The following SVOP variants were observed in gnomAD, a reference collection of about 807,000 sequenced individuals.
SVOP encodes the protein synaptic vesicle 2-related protein.
SVOP carries 17 observed loss-of-function variants against 69.1 expected under a neutral mutation model. The ratio of observed to expected loss-of-function variants is 0.25; its 90% CI spans 0.17 to 0.37. The LOEUF (loss-of-function observed/expected upper bound fraction) is 0.37. Among genes scored for constraint, SVOP ranks in the 10% least tolerant of loss-of-function variants. The pLI, the probability that SVOP is intolerant of heterozygous loss-of-function variation, is 1.00. For missense variants in SVOP, 435 were observed against 597.5 expected (o/e 0.73, Z 2.84); for synonymous variants, 238 against 238.6 (o/e 1.00, Z 0.02).
intron 1 of SVOP, among the ~76,000 whole-genome samples, chr12:109,007,724 A>G (rs530903066): frequency 3.9e-5 from 6 of 152,290 alleles, no homozygotes; most frequent in Non-Finnish European, 7.4e-5. Flanking sequence ...CTCAACAATC[A>G]TAACAGGGAA....
intron 6 of SVOP, among the ~76,000 whole-genome samples, chr12:108,952,739 C>T (rs142414659): frequency 0.015 from 2,302 of 152,212 alleles, 29 homozygotes; most frequent in Middle Eastern, 0.037. Context: ...CACATCTGTA[C>T]TCCTAGCTAC....
chr12:108,945,299 A>T (rs928729613), intron 6 of SVOP, 133 bp from the exon 7 acceptor site: 2 of 810,106 alleles, frequency 2.5e-6, no homozygotes, highest in East Asian at 5.4e-5. Flanking sequence ...ATTTCCTGAG[A>T]TGATGTTGGT....
Position 108,927,841 on chromosome 12 carries a change from C to T in SVOP, c.1049-5044G>A, listed in dbSNP as rs190662778. ...GAACTCCTGAGCTCAAGTGATTCACCTGCCTCAGCCTCCCAAAGTGCTGGG... is the reference window on the plus strand; with the variant it reads ...GAACTCCTGAGCTCAAGTGATTCACTTGCCTCAGCCTCCCAAAGTGCTGGG... On this transcript the variant is annotated intron_variant, in intron 11 of 15. Transcript: ENST00000610966. Among the ~76,000 whole-genome samples the T allele has an allele frequency of 6.2e-3, 947 of 152,142 alleles. 7 individuals are homozygous for T. Among genetic ancestry groups the T allele is most frequent in the Non-Finnish European group, 9.2e-3 (624 of 68,006 alleles).
At chr12:108,927,576 A>ACT (rs1318775125) in intron 11 of SVOP, among the ~76,000 whole-genome samples, 34 of 131,708 alleles carry the variant, frequency 2.6e-4, no homozygotes, top group African/African-American at 8.5e-4. Flanking sequence ...AATGACAAAG[A>ACT]CTCTCTCTCT....
At position 108,961,054 on chromosome 12, in the gene SVOP, A is replaced by G; in HGVS notation, c.454-7T>C. The G allele has an allele frequency of 1.3e-6, 2 of 1,534,174 alleles. No homozygotes were observed. The highest frequency in any genetic ancestry group is 1.7e-6 in the Non-Finnish European group (2 of 1,145,052). On this transcript the variant is annotated splice_region_variant and splice_polypyrimidine_tract_variant and intron_variant, in intron 5 of 15. Transcript: ENST00000610966. ...GCACGCTGATCTTCAGCCCCTGAAG[A>G]GAAGGAAGACACGGAATCACAAGGG...
At chr12:108,987,906 G>T (rs573545924) in intron 1 of SVOP, among the ~76,000 whole-genome samples, 1 of 129,500 alleles carries the variant, frequency 7.7e-6, no homozygotes, top group East Asian at 2.2e-4. Flanking sequence ...GATTGTGATC[G>T]TTGAATGCAC....
At position 108,917,838 on chromosome 12, in the gene SVOP, G is replaced by T. The variant is rs570372319; in HGVS notation, c.1350+205C>A. ...TTTATTTTATTTTTTTAGAGAGAGGGTCTTGCTATGTTGCTCAGGCTGGTC... is the reference window on the plus strand; with the variant it reads ...TTTATTTTATTTTTTTAGAGAGAGGTTCTTGCTATGTTGCTCAGGCTGGTC... On this transcript the variant is annotated intron_variant, in intron 14 of 15. Coordinates refer to ENST00000610966, the MANE Select transcript of SVOP (RefSeq NM_018711.5). Among the ~76,000 whole-genome samples, 12 of 152,048 alleles carry T rather than the reference G, an allele frequency of 7.9e-5. No individual in the cohort carries two copies. The East Asian group carries it at 2.3e-3, about 29-fold the overall frequency.
intron 12 of SVOP, among the ~76,000 whole-genome samples, chr12:108,922,299 G>A (rs886748739): frequency 1.2e-4 from 19 of 152,302 alleles, no homozygotes; most frequent in Non-Finnish European, 1.9e-4. Flanking sequence ...TAAGCTTGGG[G>A]TTCCCCAGCT....
chr12:109,020,880 G>C lies in SVOP; in HGVS notation c.-12C>G, dbSNP rs1242604568. The C allele has an allele frequency of 1.4e-6, 1 of 717,082 alleles. No individual in the cohort carries two copies. Among genetic ancestry groups the C allele is most frequent in the Non-Finnish European group, 2.6e-6 (1 of 384,652 alleles). 44.4% of individuals were successfully genotyped at this position (717,082 alleles called of 1,614,324 possible). On this transcript the variant is annotated 5_prime_UTR_variant, in exon 1 of 16. Transcript: ENST00000610966. The stretch of plus-strand genomic sequence containing the variant: ...AAGTCCTCCTCCATGTCCGCGCTGC[G>C]CCAGGATGAGCCCTTCTCATGGCCC...
intron 1 of SVOP, among the ~76,000 whole-genome samples, chr12:109,011,693 G>A (rs2040342470): frequency 6.6e-6 from 1 of 152,176 alleles, no homozygotes. Flanking sequence ...CCAACCTATG[G>A]AATCGACCTA....
At chr12:108,954,179 G>A (rs1358502363) in intron 6 of SVOP, among the ~76,000 whole-genome samples, 3 of 147,800 alleles carry the variant, frequency 2.0e-5, no homozygotes, top group Admixed American at 6.7e-5. Flanking sequence ...GGAGGGTCAA[G>A]TGATGTTTAG....
chr12:108,991,730 A>G (rs562894533), intron 1 of SVOP, among the ~76,000 whole-genome samples: 2 of 151,876 alleles, frequency 1.3e-5, no homozygotes, highest in Admixed American at 6.6e-5. Flanking sequence ...TGCTGGGATT[A>G]CAGGCGTGAG....
Position 108,912,153 on chromosome 12 carries a change from G to A in SVOP, c.*382C>T. The A allele has an allele frequency of 9.5e-7, 1 of 1,050,796 alleles. No homozygotes were observed. The highest frequency in any genetic ancestry group is 1.1e-6 in the Non-Finnish European group (1 of 869,718). 65.1% of individuals were successfully genotyped at this position (1,050,796 alleles called of 1,614,324 possible). A position where few individuals can be genotyped will look rare whatever the true frequency, so the allele number is the denominator to read the frequency against. ...GGTGGGTGGACAGCAGGTGTCACATGGGCCTGAGCCTGGACGGTATCTACA... is the reference window on the plus strand; with the variant it reads ...GGTGGGTGGACAGCAGGTGTCACATAGGCCTGAGCCTGGACGGTATCTACA... On this transcript the variant is annotated 3_prime_UTR_variant, in exon 16 of 16. Transcript: ENST00000610966.
intron 7 of SVOP, among the ~76,000 whole-genome samples, chr12:108,942,627 G>A (rs1428112436): frequency 6.6e-6 from 1 of 152,246 alleles, no homozygotes; most frequent in Non-Finnish European, 1.5e-5. Context: ...TCTGTCAGCT[G>A]AGGGTCCTAG....
chr12:108,976,751 G>GATT (rs1267165978), intron 4 of SVOP, among the ~76,000 whole-genome samples: 2 of 152,026 alleles, frequency 1.3e-5, no homozygotes, highest in Non-Finnish European at 1.5e-5. Context: ...GAGTAGCTGG[G>GATT]ATTACAGGCG....
At position 108,962,710 on chromosome 12, in the gene SVOP, AAT is replaced by A. The variant is rs1322665749; in HGVS notation, c.454-1665_454-1664del. 8.9e-4 allele frequency among the ~76,000 whole-genome samples: 136 copies of A among 152,180 alleles called. 1 individual carries two copies. The highest frequency in any genetic ancestry group is 2.5e-4 in the Non-Finnish European group (17 of 68,040). On this transcript the variant is annotated intron_variant, in intron 5 of 15. Coordinates refer to ENST00000610966, the MANE Select transcript of SVOP (RefSeq NM_018711.5). Reference sequence around the variant, plus strand: ...GCCGAGCACGGTGGCTCACATCTGTAATCCCAGCATTTTGGGAGGCTGAGGCC... The same window carrying A: ...GCCGAGCACGGTGGCTCACATCTGTACCCAGCATTTTGGGAGGCTGAGGCC...
At chr12:108,983,042 A>G (rs2040149733) in intron 2 of SVOP, among the ~76,000 whole-genome samples, 2 of 150,810 alleles carry the variant, frequency 1.3e-5, no homozygotes, top group African/African-American at 4.9e-5. Flanking sequence ...TATCATCATC[A>G]TCACCACCAT....
intron 6 of SVOP, among the ~76,000 whole-genome samples, chr12:108,948,433 C>T (rs1177725165): frequency 6.6e-6 from 1 of 152,190 alleles, no homozygotes; most frequent in African/African-American, 2.4e-5. Flanking sequence ...AAAAGTCCTA[C>T]CACCATTTTC....
At chr12:108,942,427 C>T (rs1417634029) in intron 7 of SVOP, among the ~76,000 whole-genome samples, 1 of 152,236 alleles carries the variant, frequency 6.6e-6, no homozygotes, top group African/African-American at 2.4e-5. Context: ...CTTCAATTTG[C>T]CTGTCCAAGT....
Sources: gnomAD v4.1 joint callset for allele counts (sites outside exome capture counted in the v4.1 genomes callset) on GRCh38, gnomAD v4.1.1 for gene constraint, MANE v1.5 for transcripts, NCBI Gene and HGNC (gene_info 2026-07-23, HGNC 2026-07-21) for gene names.